Variants in RBPMS observed in about 807,000 individuals in gnomAD.
RBPMS encodes RNA binding protein, mRNA processing factor.
Under a neutral mutation model 26.8 loss-of-function variants are expected in RBPMS, and 7 were observed. That is an observed-to-expected ratio of 0.26 (90% CI 0.15 to 0.49). The LOEUF (loss-of-function observed/expected upper bound fraction) is 0.49, where lower values mean the gene tolerates loss of function less well. RBPMS is among the 20% of genes least tolerant of loss of function. The pLI is 0.98. For synonymous variants in RBPMS, 96 were observed against 93.3 expected, an observed-to-expected ratio of 1.03 and a Z score of -0.17; for missense variants, 186 against 250.0, an observed-to-expected ratio of 0.74 and a Z score of 1.73.
chr8:30,482,056 G>A (rs10101246), intron 4 of RBPMS, among the ~76,000 whole-genome samples: 4,056 of 152,304 alleles, frequency 0.027, 172 homozygotes, highest in African/African-American at 0.092. Context: ...AATTCACAAT[G>A]TCCAGGACAA....
intron 5 of RBPMS, among the ~76,000 whole-genome samples, chr8:30,538,296 C>T (rs1288384304): frequency 6.6e-6 from 1 of 152,048 alleles, no homozygotes; most frequent in Non-Finnish European, 1.5e-5. Flanking sequence ...GCTCTGTCGC[C>T]CAGGCTGGAG....
chr8:30,390,551 A>T (rs1203020089), intron 1 of RBPMS, among the ~76,000 whole-genome samples: 1 of 152,114 alleles, frequency 6.6e-6, no homozygotes, highest in Non-Finnish European at 1.5e-5. Context: ...CTTTGCTAAG[A>T]GGAAGCCTAG....
intron 1 of RBPMS, among the ~76,000 whole-genome samples, chr8:30,473,711 T>C (rs568627680): frequency 2.6e-5 from 4 of 152,258 alleles, no homozygotes; most frequent in African/African-American, 7.2e-5. Context: ...CCATCAATGA[T>C]AGACTAAATA....
intron 1 of RBPMS, among the ~76,000 whole-genome samples, chr8:30,447,961 T>G (rs557630046): frequency 1.3e-5 from 2 of 152,352 alleles, no homozygotes; most frequent in East Asian, 3.9e-4. Context: ...AGGAGATTTC[T>G]AAAAGCCTCT....
chr8:30,548,108 G>C (rs1186666090), intron 6 of RBPMS, among the ~76,000 whole-genome samples: 1 of 152,202 alleles, frequency 6.6e-6, no homozygotes, highest in Non-Finnish European at 1.5e-5. Flanking sequence ...TTGCTAAGAA[G>C]ATCATTAACA....
At chr8:30,489,201 C>T (rs1263559550) in intron 4 of RBPMS, among the ~76,000 whole-genome samples, 1 of 151,958 alleles carries the variant, frequency 6.6e-6, no homozygotes, top group African/African-American at 2.4e-5. Flanking sequence ...CACATGCCAC[C>T]AGGCCTGGCT....
intron 5 of RBPMS, among the ~76,000 whole-genome samples, chr8:30,519,456 CTCTTTTTTTTTTTTTTTT>C (rs1429627413): frequency 2.6e-5 from 3 of 116,492 alleles, no homozygotes; most frequent in African/African-American, 1.1e-4. Context: ...GAGGATCTCT[CTCTTTTTTTTTTTTTTTT>C]TTTTTTTTTT....
intron 2 of RBPMS, 37 bp downstream of exon 2, chr8:30,474,893 A>C: frequency 7.4e-7 from 1 of 1,350,668 alleles, no homozygotes; most frequent in Non-Finnish European, 1.1e-6. Flanking sequence ...ATAAAATGAG[A>C]CAAAAGTCTG....
At chr8:30,491,893 AC>A (rs1819437220) in intron 4 of RBPMS, among the ~76,000 whole-genome samples, 1 of 151,784 alleles carries the variant, frequency 6.6e-6, no homozygotes, top group Non-Finnish European at 1.5e-5. Context: ...AGACACAGAC[AC>A]CCCCACCCCT....
intron 5 of RBPMS, among the ~76,000 whole-genome samples, chr8:30,532,063 A>G (rs1563418235): frequency 6.6e-6 from 1 of 152,234 alleles, no homozygotes; most frequent in Non-Finnish European, 1.5e-5. Context: ...CTGCTCTTAA[A>G]TGAAGAGCAT....
rs530246083 is a variant in RBPMS, at chr8:30,550,816, C to T, written c.528+6192C>T. On this transcript the variant is annotated intron_variant, in intron 6 of 8. Transcript: ENST00000397323. ...ACCCCCTTCTGACAGGAAATACATC[C>T]GGGGTGGAGGGGGCTGGGCAGCTGA... is the stretch of plus-strand genomic sequence containing the variant. 4.6e-5 allele frequency among the ~76,000 whole-genome samples: 7 copies of T among 152,300 alleles called. No individual in the cohort carries two copies. In the South Asian group the frequency reaches 1.0e-3, roughly 23 times the overall value.
At chr8:30,561,808 T>G in intron 7 of RBPMS, 1 of 961,410 alleles carries the variant, frequency 1.0e-6, no homozygotes, top group East Asian at 1.2e-4. Flanking sequence ...AAGGAAGGGC[T>G]TTTTTCCCCT....
chr8:30,478,183 A>G (rs749568988), intron 3 of RBPMS, among the ~76,000 whole-genome samples: 8 of 152,242 alleles, frequency 5.3e-5, no homozygotes, highest in Non-Finnish European at 8.8e-5. Context: ...ATCAATGTGA[A>G]TATCAGATCG....
intron 7 of RBPMS, 26 bp from the exon 8 acceptor site, chr8:30,566,231 T>G: frequency 1.0e-6 from 1 of 985,662 alleles, no homozygotes; most frequent in Non-Finnish European, 1.2e-6. Flanking sequence ...TGTGCACCGT[T>G]AACGGGTGAT....
Position 30,485,626 on chromosome 8 carries a change from GC to G in RBPMS, c.246+6252del, listed in dbSNP as rs1563364315. On this transcript the variant is annotated intron_variant, in intron 4 of 8. Coordinates refer to ENST00000397323, the MANE Select transcript of RBPMS (RefSeq NM_001008710.3). ...AGCCGCTGTGATGTGGGGCCATTGG[GC>G]CCTTCTGTTTTTCTCAACTATGTGC... 2.0e-5 allele frequency among the ~76,000 whole-genome samples: 3 copies of G among 152,328 alleles called. No homozygotes were observed. In the East Asian group the frequency reaches 5.8e-4, roughly 29 times the overall value.
At chr8:30,392,552 A>T (rs535063461) in intron 1 of RBPMS, among the ~76,000 whole-genome samples, 49 of 152,218 alleles carry the variant, frequency 3.2e-4, no homozygotes, top group Middle Eastern at 3.4e-3. Flanking sequence ...GGACGTCCCA[A>T]TGGGCAGGGG....
At chr8:30,464,641 A>G (rs968773766) in intron 1 of RBPMS, among the ~76,000 whole-genome samples, 6 of 152,240 alleles carry the variant, frequency 3.9e-5, no homozygotes, top group African/African-American at 1.4e-4. Flanking sequence ...TTAAATGACC[A>G]TGAACTCTGT....
chr8:30,556,470 T>C, intron 6 of RBPMS: 3 of 985,890 alleles, frequency 3.0e-6, no homozygotes, highest in Non-Finnish European at 2.4e-6. Context: ...AGCAGAACCA[T>C]GCCATCCACT....
At chr8:30,517,402 T>A (rs1259305387) in intron 5 of RBPMS, among the ~76,000 whole-genome samples, 1 of 152,176 alleles carries the variant, frequency 6.6e-6, no homozygotes, top group Non-Finnish European at 1.5e-5. Context: ...GGACCCTAGC[T>A]ATACTGAGAT....
Sources: allele counts gnomAD v4.1 joint callset (sites outside exome capture counted in the v4.1 genomes callset), GRCh38; gene constraint gnomAD v4.1.1; transcripts MANE v1.5; gene names NCBI Gene and HGNC (gene_info 2026-07-23, HGNC 2026-07-21).